Variants in LHFPL3 observed in about 807,000 individuals in gnomAD.
LHFPL3 encodes LHFPL tetraspan subfamily member 3 protein.
A neutral mutation model predicts 19.3 loss-of-function variants in LHFPL3; 5 were observed. That is an observed-to-expected ratio of 0.26 (90% CI 0.14 to 0.54). LHFPL3 has a LOEUF of 0.54. Ranked by LOEUF, LHFPL3 falls within the 20% of genes least tolerant of loss-of-function variation. The probability of loss-of-function intolerance (pLI) is 0.94; values close to 1 mark genes in which losing one functional copy is unlikely to be tolerated. For missense variants in LHFPL3, 249 were observed against 307.4 expected, an observed-to-expected ratio of 0.81 and a Z score of 1.42; for synonymous variants, 133 against 126.2, an observed-to-expected ratio of 1.05 and a Z score of -0.36.
intron 1 of LHFPL3, among the ~76,000 whole-genome samples, chr7:104,433,620 T>C (rs944359940): frequency 3.3e-5 from 5 of 152,226 alleles, no homozygotes; most frequent in Admixed American, 6.5e-5. Context: ...CCTCCGTGTT[T>C]GCCTTTTCCT....
intron 1 of LHFPL3, among the ~76,000 whole-genome samples, chr7:104,575,186 C>A (rs558494405): frequency 6.6e-6 from 1 of 152,184 alleles, no homozygotes; most frequent in South Asian, 2.1e-4. Context: ...AGAGGGAATC[C>A]CATTTTCTCC....
chr7:104,628,067 G>A (rs547050064), intron 1 of LHFPL3, among the ~76,000 whole-genome samples: 1 of 152,220 alleles, frequency 6.6e-6, no homozygotes, highest in East Asian at 1.9e-4. Context: ...GGCTTATAGG[G>A]TCTTGGATGC....
chr7:104,328,945 A>G lies in LHFPL3; in HGVS notation c.166A>G (p.Ile56Val). The change falls in exon 1 of 3, where the codon ATC (isoleucine) becomes GTC (valine). Residue 56 changes from isoleucine (I) to valine (V), a missense_variant. Coordinates refer to ENST00000424859, the MANE Select transcript of LHFPL3 (RefSeq NM_199000.3). This position sits in a 1 kb window ranked among gnomAD's most constrained non-coding sequence, Gnocchi z 4.6. ...CFAIVNVVCF[I>V]QPYWIGDGVD... Reference sequence around the variant, plus strand: ...TGCCATCGTCAACGTGGTGTGCTTCATCCAGCCCTACTGGATAGGCGACGG... The same window carrying G: ...TGCCATCGTCAACGTGGTGTGCTTCGTCCAGCCCTACTGGATAGGCGACGG... The G allele has an allele frequency of 6.2e-7, 1 of 1,614,150 alleles. No homozygotes were observed. The highest frequency in any genetic ancestry group is 8.5e-7 in the Non-Finnish European group (1 of 1,180,014).
intron 2 of LHFPL3, among the ~76,000 whole-genome samples, chr7:104,784,272 C>T (rs550350314): frequency 1.3e-5 from 2 of 152,268 alleles, no homozygotes; most frequent in South Asian, 4.1e-4. Flanking sequence ...AGAAACAAAA[C>T]ATCAAAACAG....
chr7:104,682,207 CA>C (rs992475584), intron 1 of LHFPL3, among the ~76,000 whole-genome samples: 2 of 151,806 alleles, frequency 1.3e-5, no homozygotes, highest in East Asian at 1.9e-4. Context: ...TTTCAATAGT[CA>C]AAAAAAAGTA....
chr7:104,560,943 A>C (rs1048090600), intron 1 of LHFPL3, among the ~76,000 whole-genome samples: 2 of 149,556 alleles, frequency 1.3e-5, no homozygotes, highest in African/African-American at 5.1e-5. Context: ...TTATGTACCC[A>C]GTAGTCATTC....
At chr7:104,790,492 G>T (rs1790004826) in intron 2 of LHFPL3, among the ~76,000 whole-genome samples, 1 of 152,008 alleles carries the variant, frequency 6.6e-6, no homozygotes, top group African/African-American at 2.4e-5. Context: ...ATCCAGTTTG[G>T]CAGTGTCTTG....
chr7:104,340,730 A>C (rs1420928977), intron 1 of LHFPL3, among the ~76,000 whole-genome samples: 3 of 152,224 alleles, frequency 2.0e-5, no homozygotes, highest in Non-Finnish European at 4.4e-5. Context: ...TGTGATTCTT[A>C]TAATGAATTG....
At chr7:104,577,226 G>A (rs1790355182) in intron 1 of LHFPL3, among the ~76,000 whole-genome samples, 1 of 152,150 alleles carries the variant, frequency 6.6e-6, no homozygotes, top group Non-Finnish European at 1.5e-5. Flanking sequence ...ACATGGGAGA[G>A]CTAGACATAT....
chr7:104,674,080 T>C (rs1792539507), intron 1 of LHFPL3, among the ~76,000 whole-genome samples: 1 of 137,722 alleles, frequency 7.3e-6, no homozygotes, highest in Non-Finnish European at 1.6e-5. Context: ...AGCAAAGATT[T>C]GCTGCATGAT....
At chr7:104,701,033 T>G (rs1377667276) in intron 1 of LHFPL3, among the ~76,000 whole-genome samples, 1 of 152,058 alleles carries the variant, frequency 6.6e-6, no homozygotes, top group Non-Finnish European at 1.5e-5. Context: ...AAAAATATCC[T>G]AAGAATAGAC....
intron 1 of LHFPL3, among the ~76,000 whole-genome samples, chr7:104,463,788 A>G (rs1159414679): frequency 6.6e-6 from 1 of 152,242 alleles, no homozygotes; most frequent in Non-Finnish European, 1.5e-5. Flanking sequence ...CTTCTGTGAC[A>G]CATGGGGATT....
At chr7:104,486,631 G>A (rs975103426) in intron 1 of LHFPL3, among the ~76,000 whole-genome samples, 19 of 152,184 alleles carry the variant, frequency 1.2e-4, no homozygotes, top group Non-Finnish European at 2.4e-4. Context: ...CAGTGCATGT[G>A]GAGAAGGGGT....
intron 1 of LHFPL3, among the ~76,000 whole-genome samples, chr7:104,386,889 G>A (rs995573861): frequency 7.9e-5 from 12 of 152,178 alleles, no homozygotes; most frequent in Non-Finnish European, 1.2e-4. Context: ...TGGGGGTGGG[G>A]AAGGATCTGA....
At chr7:104,423,689 C>T (rs115768975) in intron 1 of LHFPL3, among the ~76,000 whole-genome samples, 92 of 151,670 alleles carry the variant, frequency 6.1e-4, no homozygotes, top group African/African-American at 2.1e-3. Flanking sequence ...ACAGAAAAAC[C>T]GAGCTTGTTC....
intron 1 of LHFPL3, among the ~76,000 whole-genome samples, chr7:104,590,630 C>T (rs578020638): frequency 1.4e-4 from 21 of 152,180 alleles, no homozygotes; most frequent in African/African-American, 2.6e-4. Context: ...CTATTAGGTC[C>T]GCTTGGTGCA....
chr7:104,906,367 CA>C lies in LHFPL3; in HGVS notation c.*154del. The C allele has an allele frequency of 2.3e-6, 2 of 872,730 alleles. No individual in the cohort carries two copies. The highest frequency in any genetic ancestry group is 3.5e-6 in the Non-Finnish European group (2 of 574,080). The allele number at this position is 872,730 out of a possible 1,614,324, so 54.1% of individuals were successfully genotyped here. On this transcript the variant is annotated 3_prime_UTR_variant, in exon 3 of 3. Coordinates refer to ENST00000424859, the MANE Select transcript of LHFPL3 (RefSeq NM_199000.3). ...GAACAAGAATGGAACATTCACTTGT[CA>C]ACGCACTTTCTAAATCTAGATCAGC... is the stretch of plus-strand genomic sequence containing the variant.
intron 1 of LHFPL3, among the ~76,000 whole-genome samples, chr7:104,481,855 A>G (rs1029232286): frequency 5.3e-5 from 8 of 152,200 alleles, no homozygotes; most frequent in African/African-American, 1.9e-4. Flanking sequence ...CTCAAGAAGT[A>G]GGTGACTGAA....
chr7:104,770,709 T>C (rs1284233974), intron 2 of LHFPL3, among the ~76,000 whole-genome samples: 1 of 152,102 alleles, frequency 6.6e-6, no homozygotes. Flanking sequence ...CAAAAGGAAA[T>C]CTCAGAATCC....
Sources: allele counts gnomAD v4.1 joint callset (sites outside exome capture counted in the v4.1 genomes callset), GRCh38; gene constraint gnomAD v4.1.1; non-coding constraint Gnocchi (gnomAD v3.1); transcripts MANE v1.5; gene names NCBI Gene and HGNC (gene_info 2026-07-23, HGNC 2026-07-21).